Variants in TYMS observed in about 807,000 individuals in gnomAD.
TYMS encodes the protein thymidylate synthetase.
TYMS carries 21 observed loss-of-function variants against 39.3 expected under a neutral mutation model. The ratio of observed to expected loss-of-function variants is 0.54; its 90% CI spans 0.38 to 0.77. The LOEUF (loss-of-function observed/expected upper bound fraction) is 0.77. TYMS is among the 30% of genes least tolerant of loss of function. The probability of loss-of-function intolerance (pLI) is 0.00; values close to 1 mark genes in which losing one functional copy is unlikely to be tolerated. For missense variants in TYMS, 273 were observed against 406.7 expected (o/e 0.67, Z 2.83); for synonymous variants, 171 against 162.2 (o/e 1.05, Z -0.41).
At position 667,609 on chromosome 18, in the gene TYMS, ATGGAGATGGGTGATGG is replaced by A. The variant is rs1598470412; in HGVS notation, c.455-1460_455-1445del. On this transcript the variant is annotated intron_variant, in intron 3 of 6. Transcript: ENST00000323274. ...GATGGTGATGGTGATGGTGATGGTG[ATGGAGATGGGTGATGG>A]TGATGGTTGCCTAACATCAGGAACG... is the stretch of plus-strand genomic sequence containing the variant. 6 of 105,286 alleles carry A rather than the reference ATGGAGATGGGTGATGG, an allele frequency of 5.7e-5. 1 individual carries two copies. The East Asian group carries it at 1.5e-3, about 27-fold the overall frequency. The allele number at this position is 105,286 out of a possible 1,614,324, so 6.5% of individuals were successfully genotyped here. A position where few individuals can be genotyped will look rare whatever the true frequency, so the allele number is the denominator to read the frequency against.
In TYMS at chr18:664,478, C is replaced by T. The variant is rs896150280; in HGVS notation, c.454+2158C>T. On this transcript the variant is annotated intron_variant, in intron 3 of 6. Coordinates refer to ENST00000323274, the MANE Select transcript of TYMS (RefSeq NM_001071.4). ...TCGTCTGCAAACAGGGACAATTTGA[C>T]TTCCTCTTTTCCTAATTGAATACCC... 2.1e-4 allele frequency among the ~76,000 whole-genome samples: 30 copies of T among 142,302 alleles called. No individual in the cohort carries two copies. The South Asian group carries it at 7.3e-3, about 34-fold the overall frequency. The allele number at this position is 142,302 out of a possible 152,430, so 93.4% of individuals were successfully genotyped here.
In TYMS at chr18:657,931, G is replaced by A; in HGVS notation, c.189G>A (p.Ala63=). Residue 63 remains alanine, a synonymous_variant, in exon 1 of 7, where the codon GCG becomes GCA. Transcript: ENST00000323274. The part of the protein sequence containing the change: ...TGTLSVFGMQ[A]RYSLRDEFPL... ...CCCTGTCGGTATTCGGCATGCAGGC[G>A]CGCTACAGCCTGAGAGGTGACGCCG... is the stretch of plus-strand genomic sequence containing the variant. 1.3e-6 allele frequency: 2 copies of A among 1,505,536 alleles called. No homozygotes were observed. The highest frequency in any genetic ancestry group is 1.4e-5 in the South Asian group (1 of 73,260). The allele number at this position is 1,505,536 out of a possible 1,614,324, so 93.3% of individuals were successfully genotyped here.
Position 658,482 on chromosome 18 carries a change from C to A in TYMS, c.205+535C>A, listed in dbSNP as rs937363138. The A allele has an allele frequency of 7.2e-6, 3 of 418,762 alleles. No individual in the cohort carries two copies. The highest frequency in any genetic ancestry group is 6.5e-5 in the African/African-American group (3 of 46,510). The allele number at this position is 418,762 out of a possible 1,614,324, so 25.9% of individuals were successfully genotyped here. A position where few individuals can be genotyped will look rare whatever the true frequency, so the allele number is the denominator to read the frequency against. ...GTTTCCTGGTGGCCTCCCATCCAAT[C>A]CCCACGAACCAGCTTTCCTCTTAAA... On this transcript the variant is annotated intron_variant, in intron 1 of 6. Transcript: ENST00000323274. The surrounding 1 kb of genome is among the most constrained non-coding windows in gnomAD (Gnocchi z 4.5).
Position 657,784 on chromosome 18 carries a change from C to T in TYMS, c.42C>T (p.Pro14=), listed in dbSNP as rs1050257240. The T allele has an allele frequency of 3.1e-5, 45 of 1,451,682 alleles. No homozygotes were observed. Among genetic ancestry groups the T allele is most frequent in the East Asian group, 2.7e-4 (9 of 33,580 alleles). 89.9% of individuals were successfully genotyped at this position (1,451,682 alleles called of 1,614,324 possible). ...CGGAGCTGCCGCGCCGGCCCTTGCC[C>T]CCCGCCGCACAGGAGCGGGACGCCG... ...AGSELPRRPL[P]PAAQERDAEP... is the part of the protein sequence containing the mutation. The change falls in exon 1 of 7, where the codon CCC becomes CCT. Residue 14 remains proline, a synonymous_variant. Transcript: ENST00000323274.
chr18:662,397 G>C (rs773658446), intron 3 of TYMS, 77 bp downstream of exon 3: 1 of 1,366,592 alleles, frequency 7.3e-7, no homozygotes, highest in Non-Finnish European at 1.0e-6. Context: ...TTTAGATAAG[G>C]TCTGGGGGAT....
In TYMS at chr18:668,224, TTCA is replaced by T. The variant is rs2074894442; in HGVS notation, c.455-845_455-843del. Among the ~76,000 whole-genome samples, 3 of 150,610 alleles carry T rather than the reference TTCA, an allele frequency of 2.0e-5. No homozygotes were observed. In the East Asian group the frequency reaches 5.8e-4, roughly 29 times the overall value. ...AAGTTACAGAACTACACTACCAAGGTTCATCTTTTTAAAATCTTTGATGTTACC... is the reference window on the plus strand; with the variant it reads ...AAGTTACAGAACTACACTACCAAGGTTCTTTTTAAAATCTTTGATGTTACC... On this transcript the variant is annotated intron_variant, in intron 3 of 6. Transcript: ENST00000323274.
Position 672,991 on chromosome 18 carries a change from T to C in TYMS, c.936T>C (p.Ala312=). Residue 312 remains alanine, a synonymous_variant, in exon 7 of 7, where the codon GCT becomes GCC. Coordinates refer to ENST00000323274, the MANE Select transcript of TYMS (RefSeq NM_001071.4). ...ATCCAACTATTAAAATGGAAATGGC[T>C]GTTTAGGGTGCTTTCAAAGGAGCTC... is the stretch of plus-strand genomic sequence containing the variant. The part of the protein sequence containing the change: ...NPHPTIKMEM[A]V 6.4e-7 allele frequency: 1 copy of C among 1,562,226 alleles called. No individual in the cohort carries two copies. The highest frequency in any genetic ancestry group is 8.8e-7 in the Non-Finnish European group (1 of 1,140,706).
rs936036150 is a variant in TYMS at position 658,043 on chromosome 18, T to C, written c.205+96T>C. 1.3e-6 allele frequency: 2 copies of C among 1,558,698 alleles called. No homozygotes were observed. Among genetic ancestry groups the C allele is most frequent in the Middle Eastern group, 3.3e-4 (2 of 5,980 alleles). On this transcript the variant is annotated intron_variant, in intron 1 of 6. Transcript: ENST00000323274. The surrounding 1 kb of genome is among the most constrained non-coding windows in gnomAD (Gnocchi z 4.5). ...GCTGCCGGGCGCTGCGGACCCCGTT[T>C]AGTCCTAACCTCAATCCTGCGAGGG...
rs1567990763 is a variant in TYMS at position 667,475 on chromosome 18, TGATGGTGATGGTGATGGTGATGGA to T, written c.455-1573_455-1550del. 8.8e-4 allele frequency among the ~76,000 whole-genome samples: 12 copies of T among 13,620 alleles called. 3 individuals are homozygous for T. In the East Asian group the frequency reaches 0.022, roughly 25 times the overall value. The allele number at this position is 13,620 out of a possible 152,430, so 8.9% of individuals were successfully genotyped here. On this transcript the variant is annotated intron_variant, in intron 3 of 6. Coordinates refer to ENST00000323274, the MANE Select transcript of TYMS (RefSeq NM_001071.4). ...ATGGTGATGATGGAGATGGTGATGG[TGATGGTGATGGTGATGGTGATGGA>T]GATGGTGATGGTGATGGTGATGGTG...
Position 673,324 on chromosome 18 carries a change from A to T in TYMS, c.*327A>T, listed in dbSNP as rs1244481941. Reference sequence around the variant, plus strand: ...ACGTACTTATAAAGAAGGTTGGTGAATTTCACAAGCTATTTTTGGAATATT... The same window carrying T: ...ACGTACTTATAAAGAAGGTTGGTGATTTTCACAAGCTATTTTTGGAATATT... On this transcript the variant is annotated 3_prime_UTR_variant, in exon 7 of 7. Coordinates refer to ENST00000323274, the MANE Select transcript of TYMS (RefSeq NM_001071.4). 4.2e-6 allele frequency: 1 copy of T among 239,792 alleles called. No individual in the cohort carries two copies. Among genetic ancestry groups the T allele is most frequent in the Non-Finnish European group, 8.1e-6 (1 of 123,346 alleles). The allele number at this position is 239,792 out of a possible 1,614,324, so 14.9% of individuals were successfully genotyped here. A position where few individuals can be genotyped will look rare whatever the true frequency, so the allele number is the denominator to read the frequency against.
chr18:659,771 G>A, intron 2 of TYMS, 57 bp downstream of exon 2: 1 of 1,469,862 alleles, frequency 6.8e-7, no homozygotes, highest in Non-Finnish European at 9.5e-7. Context: ...AGCAGCCAGT[G>A]AGATCCTTTC....
At position 673,089 on chromosome 18, in the gene TYMS, G is replaced by C; in HGVS notation, c.*92G>C. On this transcript the variant is annotated 3_prime_UTR_variant, in exon 7 of 7. Transcript: ENST00000323274. ...AGTTCTTTTTGCTCTAAAAGAAAAA[G>C]GAACTAGGTCAAAAATCTGTCCGTG... The C allele has an allele frequency of 7.4e-7, 1 of 1,354,050 alleles. No individual in the cohort carries two copies. The highest frequency in any genetic ancestry group is 2.3e-5 in the East Asian group (1 of 42,840). The allele number at this position is 1,354,050 out of a possible 1,614,324, so 83.9% of individuals were successfully genotyped here.
At chr18:659,264 G>A (rs1229599305) in intron 1 of TYMS, among the ~76,000 whole-genome samples, 2 of 152,082 alleles carry the variant, frequency 1.3e-5, no homozygotes, top group South Asian at 4.2e-4. Context: ...CACTTCTGAT[G>A]CCTCCCTTTT....
chr18:673,264 C>T lies in TYMS; in HGVS notation c.*267C>T, dbSNP rs985389810. 8 of 301,572 alleles carry T rather than the reference C, an allele frequency of 2.7e-5. No homozygotes were observed. Among genetic ancestry groups the T allele is most frequent in the East Asian group, 9.6e-5 (2 of 20,874 alleles). 18.7% of individuals were successfully genotyped at this position (301,572 alleles called of 1,614,324 possible). A position where few individuals can be genotyped will look rare whatever the true frequency, so the allele number is the denominator to read the frequency against. ...AAGTGAGGAGAATGAAATGTATGTG[C>T]TCTTAGCAAAAACATGTATGTGCAT... On this transcript the variant is annotated 3_prime_UTR_variant, in exon 7 of 7. Coordinates refer to ENST00000323274, the MANE Select transcript of TYMS (RefSeq NM_001071.4).
intron 3 of TYMS, among the ~76,000 whole-genome samples, chr18:667,131 A>AGATGGTGATGGTGATGGTGATGGT (rs1179372941): frequency 5.8e-5 from 2 of 34,742 alleles, no homozygotes; most frequent in Non-Finnish European, 4.8e-5. Flanking sequence ...ATGGTGATGG[A>AGATGGTGATGGTGATGGTGATGGT]GATGGTGATG....
At chr18:661,890 C>A (rs1349023614) in intron 2 of TYMS, among the ~76,000 whole-genome samples, 1 of 152,246 alleles carries the variant, frequency 6.6e-6, no homozygotes. Flanking sequence ...GAGGCTGAGG[C>A]AGGGGAATCG....
intron 3 of TYMS, among the ~76,000 whole-genome samples, chr18:667,269 TGATGGTGATGG>T (rs1441303780): frequency 0.019 from 311 of 16,280 alleles, 54 homozygotes; most frequent in South Asian, 0.034. Context: ...ATGGAGATGG[TGATGGTGATGG>T]GATGGTGATG....
At chr18:668,479 CATT>C (rs1293553672) in intron 3 of TYMS, among the ~76,000 whole-genome samples, 1 of 152,176 alleles carries the variant, frequency 6.6e-6, no homozygotes, top group East Asian at 1.9e-4. Context: ...GTGGTGTAAT[CATT>C]ACAGAGGTTT....
In TYMS at chr18:673,029, C is replaced by A; in HGVS notation, c.*32C>A. 3 of 1,518,972 alleles carry A rather than the reference C, an allele frequency of 2.0e-6. No homozygotes were observed. Among genetic ancestry groups the A allele is most frequent in the South Asian group, 2.6e-5 (2 of 76,404 alleles). The allele number at this position is 1,518,972 out of a possible 1,614,324, so 94.1% of individuals were successfully genotyped here. ...TTCAAAGGAGCTCGAAGGATATTGTCAGTCTTTAGGGGTTGGGCTGGATGC... is the reference window on the plus strand; with the variant it reads ...TTCAAAGGAGCTCGAAGGATATTGTAAGTCTTTAGGGGTTGGGCTGGATGC... On this transcript the variant is annotated 3_prime_UTR_variant, in exon 7 of 7. Coordinates refer to ENST00000323274, the MANE Select transcript of TYMS (RefSeq NM_001071.4).
Sources: gnomAD v4.1 joint callset for allele counts (sites outside exome capture counted in the v4.1 genomes callset) on GRCh38, gnomAD v4.1.1 for gene constraint, Gnocchi (gnomAD v3.1) non-coding constraint, MANE v1.5 for transcripts, NCBI Gene and HGNC (gene_info 2026-07-23, HGNC 2026-07-21) for gene names.